The following UBXN8 variants were observed in gnomAD, a reference collection of about 807,000 sequenced individuals.
UBXN8 encodes UBX domain-containing protein 8.
Under a neutral mutation model 32.1 loss-of-function variants are expected in UBXN8, and 27 were observed. That is an observed-to-expected ratio of 0.84 (90% confidence interval 0.62 to 1.16). The LOEUF is 1.16. UBXN8 is among the 50% of genes most tolerant of loss of function. The pLI, the probability that UBXN8 is intolerant of heterozygous loss-of-function variation, is 0.00. For missense variants in UBXN8, 306 were observed against 311.4 expected (o/e 0.98, Z 0.13); for synonymous variants, 109 against 111.8 (o/e 0.98, Z 0.16).
intron 1 of UBXN8, among the ~76,000 whole-genome samples, chr8:30,735,542 G>GT (rs1382177483): frequency 3.3e-5 from 5 of 152,040 alleles, no homozygotes; most frequent in Non-Finnish European, 5.9e-5. Flanking sequence ...AACAGAGTGT[G>GT]TCTCAAAAAA....
intron 7 of UBXN8, among the ~76,000 whole-genome samples, chr8:30,765,151 G>T (rs1211811902): frequency 2.6e-5 from 4 of 152,068 alleles, no homozygotes; most frequent in Non-Finnish European, 4.4e-5. Flanking sequence ...GGGTTCAAAT[G>T]ATTCTCCTGC....
rs1361022250 is a variant in UBXN8 at position 30,760,437 on chromosome 8, A to ATTTT, written c.529-450_529-449insTTTT. ...TACACAATCATATATATATATATATATATATATTTTTTTTTTTTTTTAAAG... is the reference window on the plus strand; with the variant it reads ...TACACAATCATATATATATATATATATTTTTATATATTTTTTTTTTTTTTTAAAG... On this transcript the variant is annotated intron_variant, in intron 5 of 7. Transcript: ENST00000265616. 4.8e-3 allele frequency among the ~76,000 whole-genome samples: 214 copies of ATTTT among 44,830 alleles called. 1 individual carries two copies. The highest frequency in any genetic ancestry group is 0.018 in the African/African-American group (201 of 11,272). 29.4% of individuals were successfully genotyped at this position (44,830 alleles called of 152,430 possible). A position where few individuals can be genotyped will look rare whatever the true frequency, so the allele number is the denominator to read the frequency against.
rs1226779458 is a variant in UBXN8, at chr8:30,733,138, G to A, written c.452G>A (p.Trp151Ter). Reference sequence around the variant, plus strand: ...GACCAGCCTTGGGCATCAGTAGACTGGGAACTATACGTGGATGGGAGCAGC... The same window carrying A: ...GACCAGCCTTGGGCATCAGTAGACTAGGAACTATACGTGGATGGGAGCAGC... Residue 151 changes from tryptophan (W) to a stop codon, truncating the protein, a stop_gained, in exon 1 of 2, where the codon TGG becomes TAG. Transcript: ENST00000522968. LOFTEE classifies it high-confidence loss of function. 1 of 152,330 alleles carries A rather than the reference G, an allele frequency of 6.6e-6. No homozygotes were observed. The allele number at this position is 152,330 out of a possible 1,614,324, so 9.4% of individuals were successfully genotyped here. A position where few individuals can be genotyped will look rare whatever the true frequency, so the allele number is the denominator to read the frequency against.
intron 6 of UBXN8, among the ~76,000 whole-genome samples, chr8:30,762,674 T>G (rs758772584): frequency 6.6e-6 from 1 of 152,200 alleles, no homozygotes; most frequent in African/African-American, 2.4e-5. Context: ...ATTACAGGCC[T>G]GAGCCACCGC....
chr8:30,736,768 C>T (rs956108681), intron 1 of UBXN8, among the ~76,000 whole-genome samples: 3 of 152,190 alleles, frequency 2.0e-5, no homozygotes, highest in African/African-American at 7.2e-5. Context: ...CCACTGCACC[C>T]AGCCCTTGTT....
intron 2 of UBXN8, among the ~76,000 whole-genome samples, chr8:30,752,018 G>A (rs1805534260): frequency 6.6e-6 from 1 of 150,794 alleles, no homozygotes; most frequent in African/African-American, 2.4e-5. Context: ...TCAGCCTCCC[G>A]AGTATTTGGG....
At chr8:30,756,612 A>G (rs1481402053) in intron 4 of UBXN8, among the ~76,000 whole-genome samples, 153 bp from the exon 5 acceptor site, 2 of 152,280 alleles carry the variant, frequency 1.3e-5, no homozygotes, top group South Asian at 2.1e-4. Flanking sequence ...CCACGGAGAT[A>G]ATGCTTTAAT....
At chr8:30,760,249 C>T (rs1156719833) in intron 5 of UBXN8, among the ~76,000 whole-genome samples, 5 of 147,342 alleles carry the variant, frequency 3.4e-5, no homozygotes, top group South Asian at 2.1e-4. Context: ...TTTGTAGAGA[C>T]GGGGTTTCAC....
chr8:30,756,413 G>A (rs528282406), intron 4 of UBXN8: 1 of 206,700 alleles, frequency 4.8e-6, no homozygotes, highest in South Asian at 8.7e-5. Context: ...CCAAAATGCT[G>A]TGATTACAAG....
At chr8:30,746,774 TCGG>T (rs1805374174) in intron 1 of UBXN8, among the ~76,000 whole-genome samples, 1 of 139,468 alleles carries the variant, frequency 7.2e-6, no homozygotes, top group Non-Finnish European at 1.5e-5. Flanking sequence ...TCCACCCGCC[TCGG>T]CCTCCCAAAG....
At chr8:30,758,062 A>C (rs1203012807) in intron 5 of UBXN8, among the ~76,000 whole-genome samples, 2 of 151,246 alleles carry the variant, frequency 1.3e-5, no homozygotes, top group Non-Finnish European at 3.0e-5. Context: ...CACCCAGCTA[A>C]TTTTTTTGTA....
chr8:30,733,554 C>A (rs547300886), intron 1 of UBXN8, among the ~76,000 whole-genome samples: 2 of 152,292 alleles, frequency 1.3e-5, no homozygotes, highest in African/African-American at 4.8e-5. Flanking sequence ...CTTAGAGGCT[C>A]GAAAAGCAGC....
chr8:30,746,561 C>T lies in UBXN8; in HGVS notation c.88+2284C>T, dbSNP rs367878261. ...TTTTTGAGACGGAGTCTCACTCTGT[C>T]ACCCAGGCTGGAGTGCAGTGGTGCA... On this transcript the variant is annotated intron_variant, in intron 1 of 7. Transcript: ENST00000265616. 9.4e-5 allele frequency among the ~76,000 whole-genome samples: 12 copies of T among 127,584 alleles called. 2 individuals are homozygous for T. Among genetic ancestry groups the T allele is most frequent in the African/African-American group, 3.2e-4 (10 of 31,308 alleles). The allele number at this position is 127,584 out of a possible 152,430, so 83.7% of individuals were successfully genotyped here.
chr8:30,744,151 G>A (rs747889230), upstream of UBXN8: 29 of 1,596,126 alleles, frequency 1.8e-5, no homozygotes, highest in Admixed American at 5.3e-5. Context: ...GCGGCCGGAA[G>A]GGGCGGGCTT....
At chr8:30,744,937 T>G (rs997187915) in intron 1 of UBXN8, among the ~76,000 whole-genome samples, 1 of 152,166 alleles carries the variant, frequency 6.6e-6, no homozygotes, top group Non-Finnish European at 1.5e-5. Flanking sequence ...ACACCTATTA[T>G]AAGCCAAACA....
intron 5 of UBXN8, among the ~76,000 whole-genome samples, chr8:30,758,185 T>A (rs569043181): frequency 6.6e-6 from 1 of 152,160 alleles, no homozygotes; most frequent in African/African-American, 2.4e-5. Context: ...CGTGAGCCAC[T>A]GCGCCCAGCC....
At chr8:30,761,990 T>C (rs556818424) in intron 6 of UBXN8, among the ~76,000 whole-genome samples, 27 of 151,458 alleles carry the variant, frequency 1.8e-4, no homozygotes, top group Non-Finnish European at 3.5e-4. Context: ...AGCCATTAAG[T>C]CATTTGGGCA....
At position 30,744,226 on chromosome 8, in the gene UBXN8, T is replaced by C; in HGVS notation, c.37T>C (p.Ser13Pro). ...TGGGGTTGTTGGCATTTTCTTCCTC[T>C]CTGCTGTCCCCCTTGTGTGTCTGGA... ...SRGVVGIFFL[S>P]AVPLVCLELR... is the part of the protein sequence containing the mutation. Residue 13 changes from serine (S) to proline (P), a missense_variant, in exon 1 of 8, where the codon TCT becomes CCT. Physicochemically the swap from Ser to Pro is moderately conservative, Grantham distance 74 (BLOSUM62 -1). Coordinates refer to ENST00000265616, the MANE Select transcript of UBXN8 (RefSeq NM_005671.4). 2 of 1,613,882 alleles carry C rather than the reference T, an allele frequency of 1.2e-6. No individual in the cohort carries two copies. The highest frequency in any genetic ancestry group is 1.7e-6 in the Non-Finnish European group (2 of 1,179,850).
At chr8:30,749,920 C>T (rs567595607) in intron 1 of UBXN8, among the ~76,000 whole-genome samples, 138 of 152,010 alleles carry the variant, frequency 9.1e-4, no homozygotes, top group African/African-American at 3.2e-3. Flanking sequence ...ATGATATTTT[C>T]AGTTTTATTT....
Sources: gnomAD v4.1 joint callset for allele counts (sites outside exome capture counted in the v4.1 genomes callset) on GRCh38, gnomAD v4.1.1 for gene constraint, MANE v1.5 for transcripts, NCBI Gene and HGNC (gene_info 2026-07-23, HGNC 2026-07-21) for gene names.